NEDD4L: variants seen among roughly 807,000 people sequenced by gnomAD.
The protein encoded by NEDD4L is E3 ubiquitin-protein ligase NEDD4-like.
NEDD4L carries 54 observed loss-of-function variants against 148.9 expected under a neutral mutation model. That is an observed-to-expected ratio of 0.36 (90% confidence interval 0.29 to 0.45). The LOEUF is 0.45. NEDD4L is among the 20% of genes least tolerant of loss of function. The pLI is 1.00. For synonymous variants in NEDD4L, 433 were observed against 440.7 expected, an observed-to-expected ratio of 0.98 and a Z score of 0.22; for missense variants, 856 against 1,233.8, an observed-to-expected ratio of 0.69 and a Z score of 4.59.
At chr18:58,222,049 A>C (rs2147946973) in intron 2 of NEDD4L, among the ~76,000 whole-genome samples, 1 of 152,298 alleles carries the variant, frequency 6.6e-6, no homozygotes, top group South Asian at 2.1e-4. Flanking sequence ...TGTTTAGAAA[A>C]ATGTACAGCT....
intron 20 of NEDD4L, among the ~76,000 whole-genome samples, chr18:58,365,045 C>T (rs1269795966): frequency 2.6e-5 from 4 of 152,142 alleles, no homozygotes; most frequent in Non-Finnish European, 5.9e-5. Flanking sequence ...CAGCTCAGAC[C>T]CCCTCTGGTG....
At chr18:58,197,224 G>T (rs552350562) in intron 2 of NEDD4L, among the ~76,000 whole-genome samples, 23 of 152,280 alleles carry the variant, frequency 1.5e-4, no homozygotes, top group African/African-American at 5.5e-4. Flanking sequence ...AGATGTTTCT[G>T]TTGAGAGATG....
At chr18:58,095,508 G>A (rs906156995) in intron 1 of NEDD4L, among the ~76,000 whole-genome samples, 10 of 130,054 alleles carry the variant, frequency 7.7e-5, no homozygotes, top group African/African-American at 3.3e-4. Flanking sequence ...GATGGGACTG[G>A]AATGCAGAGG....
At chr18:58,385,176 A>G (rs1474004553) in intron 25 of NEDD4L, among the ~76,000 whole-genome samples, 1 of 152,220 alleles carries the variant, frequency 6.6e-6, no homozygotes, top group Non-Finnish European at 1.5e-5. Flanking sequence ...CTGTGTGTTC[A>G]TACCCCATGA....
chr18:58,071,372 A>T (rs888167580), intron 1 of NEDD4L, among the ~76,000 whole-genome samples: 7 of 152,010 alleles, frequency 4.6e-5, no homozygotes, highest in Non-Finnish European at 1.5e-5. Context: ...TAGAGATTAT[A>T]AAAAAAAGAA....
intron 3 of NEDD4L, among the ~76,000 whole-genome samples, 197 bp downstream of exon 3, chr18:58,245,705 G>C (rs897290485): frequency 7.4e-6 from 1 of 134,848 alleles, no homozygotes; most frequent in African/African-American, 2.8e-5. Flanking sequence ...TTTTGAGATG[G>C]AGTCTCACTC....
intron 18 of NEDD4L, among the ~76,000 whole-genome samples, chr18:58,351,531 T>C (rs1411909354): frequency 6.6e-6 from 1 of 152,236 alleles, no homozygotes; most frequent in African/African-American, 2.4e-5. Flanking sequence ...CACTAATATA[T>C]ATGTATTTTC....
At chr18:58,119,696 G>A (rs2086098489) in intron 1 of NEDD4L, among the ~76,000 whole-genome samples, 1 of 152,254 alleles carries the variant, frequency 6.6e-6, no homozygotes, top group South Asian at 2.1e-4. Flanking sequence ...TAACTGTCCA[G>A]TTCGCCTAGC....
At chr18:58,302,187 A>T (rs917279719) in intron 5 of NEDD4L, among the ~76,000 whole-genome samples, 1 of 152,202 alleles carries the variant, frequency 6.6e-6, no homozygotes, top group Admixed American at 6.5e-5. Context: ...TGGCCTCTTC[A>T]GTGTATCATG....
At chr18:58,087,718 T>C (rs1249786265) in intron 1 of NEDD4L, among the ~76,000 whole-genome samples, 1 of 151,936 alleles carries the variant, frequency 6.6e-6, no homozygotes, top group Non-Finnish European at 1.5e-5. Flanking sequence ...CTACTAAAAA[T>C]ACAAAATTAG....
chr18:58,152,616 T>C (rs768226427), intron 1 of NEDD4L, among the ~76,000 whole-genome samples: 9 of 152,244 alleles, frequency 5.9e-5, no homozygotes, highest in Non-Finnish European at 1.3e-4. Flanking sequence ...TGCTTCAGAA[T>C]CATCTGGGTG....
rs1430746825 is a variant in NEDD4L, at chr18:58,115,305, A to G, written c.49-50483A>G. Among the ~76,000 whole-genome samples the G allele has an allele frequency of 2.2e-5, 3 of 136,082 alleles. No individual in the cohort carries two copies. The Admixed American group carries it at 2.5e-4, about 11-fold the overall frequency. 89.3% of individuals were successfully genotyped at this position (136,082 alleles called of 152,430 possible). On this transcript the variant is annotated intron_variant, in intron 1 of 30. Transcript: ENST00000400345. ...TAGGTGCCTTAGAATCATGCAGTCC[A>G]GTTGCCTTCTGGGAATCCATTGTAG...
chr18:58,065,117 C>T (rs2082532284), intron 1 of NEDD4L, among the ~76,000 whole-genome samples: 1 of 152,240 alleles, frequency 6.6e-6, no homozygotes, highest in South Asian at 2.1e-4. Context: ...AGATCCAAAA[C>T]ATCTTGTGCA....
At chr18:58,211,799 T>C (rs1285950327) in intron 2 of NEDD4L, among the ~76,000 whole-genome samples, 1 of 152,196 alleles carries the variant, frequency 6.6e-6, no homozygotes, top group Non-Finnish European at 1.5e-5. Context: ...ACATAAATAG[T>C]TCAGTGGAAC....
intron 18 of NEDD4L, 138 bp from the exon 19 acceptor site, chr18:58,357,056 A>G (rs2145819656): frequency 1.4e-6 from 1 of 722,094 alleles, no homozygotes; most frequent in Non-Finnish European, 2.3e-6. Context: ...CTGAAATACT[A>G]ATTTGTCTTT....
intron 1 of NEDD4L, among the ~76,000 whole-genome samples, chr18:58,065,659 C>G (rs1215048199): frequency 2.6e-5 from 4 of 152,204 alleles, no homozygotes; most frequent in Non-Finnish European, 5.9e-5. Context: ...ATTTCTTGGT[C>G]ATCCTTACTC....
intron 28 of NEDD4L, chr18:58,389,442 C>T (rs1602031750): frequency 2.9e-6 from 1 of 345,692 alleles, no homozygotes; most frequent in East Asian, 4.4e-5. Flanking sequence ...TCCTTGACCA[C>T]CTCGTGAAAG....
intron 5 of NEDD4L, among the ~76,000 whole-genome samples, chr18:58,269,073 A>T (rs2050656259): frequency 6.6e-6 from 1 of 151,906 alleles, no homozygotes; most frequent in African/African-American, 2.4e-5. Flanking sequence ...ACTTTGCCTC[A>T]TATGTTCCAA....
At chr18:58,281,700 G>A (rs772460944) in intron 5 of NEDD4L, among the ~76,000 whole-genome samples, 2 of 151,460 alleles carry the variant, frequency 1.3e-5, no homozygotes, top group African/African-American at 2.4e-5. Flanking sequence ...TTCTTAATGC[G>A]TTACAATTGG....
Sources: allele counts gnomAD v4.1 joint callset (sites outside exome capture counted in the v4.1 genomes callset), GRCh38; gene constraint gnomAD v4.1.1; transcripts MANE v1.5; gene names NCBI Gene and HGNC (gene_info 2026-07-23, HGNC 2026-07-21).